The following BLTP2 variants were observed in gnomAD, a reference collection of about 807,000 sequenced individuals.
BLTP2 encodes bridge-like lipid transfer protein family member 2, also known as U937-associated antigen.
At chr17:28,618,035 C>T in the BLTP2 span, among the ~76,000 whole-genome samples, 4 of 149,600 alleles carry the variant, frequency 2.7e-5, no homozygotes, top group Admixed American at 6.7e-5. Context: ...CAGGTTCAAA[C>T]GATTCTCCTG....
chr17:28,642,057 G>C, the BLTP2 span: 1 of 1,614,072 alleles, frequency 6.2e-7, no homozygotes, highest in Non-Finnish European at 8.5e-7. Context: ...GCCAGTGAAA[G>C]CTCCACTAGG....
chr17:28,633,985 G>A, the BLTP2 span: 19 of 1,614,096 alleles, frequency 1.2e-5, no homozygotes, highest in East Asian at 1.6e-4. Flanking sequence ...ATCTGACGCC[G>A]ACGGGAGCAA....
chr17:28,641,896 G>A, the BLTP2 span: 12 of 1,607,690 alleles, frequency 7.5e-6, no homozygotes, highest in African/African-American at 4.0e-5. Flanking sequence ...TACCTGAACA[G>A]GGAACAGGCT....
the BLTP2 span, chr17:28,642,504 A>G: frequency 1.6e-6 from 1 of 613,952 alleles, no homozygotes; most frequent in Admixed American, 2.8e-5. Flanking sequence ...ACAAAAAATT[A>G]GCCAGGCGCG....
chr17:28,635,124 G>T, the BLTP2 span: 1 of 1,613,952 alleles, frequency 6.2e-7, no homozygotes, highest in South Asian at 1.1e-5. Context: ...AGACTGAGCC[G>T]AAAGAGAGGA....
chr17:28,645,088 G>A, the BLTP2 span: 58 of 1,551,632 alleles, frequency 3.7e-5, no homozygotes, highest in Non-Finnish European at 4.8e-5. Flanking sequence ...CTTGGCCCCG[G>A]CCCCCGCCAT....
At chr17:28,634,731 A>G in the BLTP2 span, 1 of 1,614,080 alleles carries the variant, frequency 6.2e-7, no homozygotes, top group Non-Finnish European at 8.5e-7. Context: ...TGCCATAGAG[A>G]CGACGGGAAC....
the BLTP2 span, chr17:28,640,660 G>A: frequency 1.2e-6 from 2 of 1,613,934 alleles, no homozygotes; most frequent in Non-Finnish European, 1.7e-6. Flanking sequence ...GGCAGAGTTG[G>A]CTCAACTAAG....
chr17:28,638,634 G>A, the BLTP2 span: 1 of 1,601,254 alleles, frequency 6.2e-7, no homozygotes, highest in Admixed American at 1.7e-5. Flanking sequence ...CAGGATTTGG[G>A]GGAAGGTTCT....
At chr17:28,628,325 C>T in the BLTP2 span, 9 of 1,614,192 alleles carry the variant, frequency 5.6e-6, no homozygotes, top group Non-Finnish European at 6.8e-6. Flanking sequence ...CGAGGTGGGG[C>T]TGAGGCACTA....
chr17:28,624,460 A>G, the BLTP2 span: 1 of 1,382,652 alleles, frequency 7.2e-7, no homozygotes, highest in African/African-American at 1.4e-5. Flanking sequence ...TTCCAGAGCC[A>G]AATTGATCTT....
At chr17:28,616,040 G>A in the BLTP2 span, 15 of 1,395,464 alleles carry the variant, frequency 1.1e-5, no homozygotes, top group Non-Finnish European at 1.4e-5. This position sits in a 1 kb window ranked among gnomAD's most constrained non-coding sequence, Gnocchi z 4.8. Flanking sequence ...TAGAATCTCT[G>A]ATCTTATCTG....
chr17:28,633,132 A>G, the BLTP2 span: 1 of 1,581,512 alleles, frequency 6.3e-7, no homozygotes, highest in Middle Eastern at 1.7e-4. Context: ...TGCAGAGGTC[A>G]GGCAGGTGAA....
chr17:28,631,927 C>A, the BLTP2 span: 2 of 1,613,898 alleles, frequency 1.2e-6, no homozygotes, highest in South Asian at 1.1e-5. Context: ...TACCTGGCAA[C>A]AAGAGAGCAT....
the BLTP2 span, chr17:28,638,333 G>A: frequency 6.2e-7 from 1 of 1,614,004 alleles, no homozygotes; most frequent in African/African-American, 1.3e-5. Flanking sequence ...GAATGTGGGA[G>A]TCACTGCCCA....
At chr17:28,623,827 C>G in the BLTP2 span, 1 of 1,614,214 alleles carries the variant, frequency 6.2e-7, no homozygotes, top group Non-Finnish European at 8.5e-7. Flanking sequence ...GTACTGCATG[C>G]CATCCAAGAG....
chr17:28,618,228 C>T, the BLTP2 span, among the ~76,000 whole-genome samples: 26 of 151,514 alleles, frequency 1.7e-4, no homozygotes, highest in African/African-American at 5.8e-4. Flanking sequence ...CCACCGTGCC[C>T]GGCCTATCAT....
chr17:28,641,670 A>C, the BLTP2 span, among the ~76,000 whole-genome samples: 8 of 151,254 alleles, frequency 5.3e-5, no homozygotes, highest in African/African-American at 1.7e-4. Flanking sequence ...AAAAAAAAAA[A>C]CCCATAGTAC....
At chr17:28,629,194 C>T in the BLTP2 span, among the ~76,000 whole-genome samples, 1 of 151,884 alleles carries the variant, frequency 6.6e-6, no homozygotes, top group Admixed American at 6.6e-5. Context: ...CGGGCACAAG[C>T]CACTGTGCTG....
Sources: gnomAD v4.1 joint callset for allele counts (sites outside exome capture counted in the v4.1 genomes callset) on GRCh38, gnomAD v4.1.1 for gene constraint, Gnocchi (gnomAD v3.1) non-coding constraint, MANE v1.5 for transcripts, NCBI Gene and HGNC (gene_info 2026-07-23, HGNC 2026-07-21) for gene names.